The following TNKS2 variants were observed in gnomAD, a reference collection of about 807,000 sequenced individuals.
The protein encoded by TNKS2 is poly [ADP-ribose] polymerase tankyrase-2.
Under a neutral mutation model 137.6 loss-of-function variants are expected in TNKS2, and 72 were observed. The observed-to-expected ratio is 0.52, with a 90% confidence interval of 0.43 to 0.64. The LOEUF (loss-of-function observed/expected upper bound fraction) is 0.64. TNKS2 is among the 30% of genes least tolerant of loss of function. The probability of loss-of-function intolerance (pLI) is 0.00; values close to 1 mark genes in which losing one functional copy is unlikely to be tolerated. For synonymous variants in TNKS2, 516 were observed against 512.1 expected, an observed-to-expected ratio of 1.01 and a Z score of -0.10; for missense variants, 1,049 against 1,410.2, an observed-to-expected ratio of 0.74 and a Z score of 4.10.
Position 91,853,809 on chromosome 10 carries a change from A to G in TNKS2, c.2816-1220A>G, listed in dbSNP as rs1223709985. 3.3e-5 allele frequency among the ~76,000 whole-genome samples: 5 copies of G among 152,326 alleles called. No individual in the cohort carries two copies. The South Asian group carries it at 8.3e-4, about 25-fold the overall frequency. ...TGGTAGTAGTCCTGTTCTTCAGACC[A>G]TAGCTTTGAACCAGAATAGTGCTCT... On this transcript the variant is annotated intron_variant, in intron 21 of 26. Transcript: ENST00000371627.
intron 2 of TNKS2, among the ~76,000 whole-genome samples, 194 bp from the exon 3 acceptor site, chr10:91,816,940 T>A (rs952399283): frequency 6.6e-6 from 1 of 152,240 alleles, no homozygotes; most frequent in Admixed American, 6.5e-5. Flanking sequence ...AATGTGTCTT[T>A]AATGCATTAA....
intron 2 of TNKS2, among the ~76,000 whole-genome samples, chr10:91,814,010 G>A (rs779127660): frequency 6.6e-6 from 1 of 151,914 alleles, no homozygotes; most frequent in Non-Finnish European, 1.5e-5. Flanking sequence ...ACTTTTTATT[G>A]TGATTTTAGA....
At chr10:91,807,427 G>C in intron 1 of TNKS2, 1 of 1,613,890 alleles carries the variant, frequency 6.2e-7, no homozygotes, top group Non-Finnish European at 8.5e-7. Flanking sequence ...TCCCAGGTCT[G>C]GTACTGCGGC....
At chr10:91,813,342 C>T in intron 2 of TNKS2, 135 bp downstream of exon 2, 1 of 815,632 alleles carries the variant, frequency 1.2e-6, no homozygotes, top group Non-Finnish European at 1.9e-6. Context: ...TTTAATCTAA[C>T]TACTATTTAC....
chr10:91,821,501 G>A (rs1844891467), intron 6 of TNKS2, among the ~76,000 whole-genome samples: 2 of 152,074 alleles, frequency 1.3e-5, no homozygotes, highest in South Asian at 4.1e-4. Context: ...TAAATCACAG[G>A]TGACCATCCC....
At chr10:91,824,026 T>C (rs148884778) in intron 7 of TNKS2, among the ~76,000 whole-genome samples, 26 of 152,294 alleles carry the variant, frequency 1.7e-4, no homozygotes, top group Non-Finnish European at 3.7e-4. Context: ...GAATGAAACA[T>C]CAAACAGATT....
chr10:91,852,395 A>G, intron 21 of TNKS2, among the ~76,000 whole-genome samples: 1 of 149,426 alleles, frequency 6.7e-6, no homozygotes, highest in Non-Finnish European at 1.5e-5. Flanking sequence ...ATCTGTACTA[A>G]AAATACAAAA....
At chr10:91,824,306 C>G (rs1456662153) in intron 7 of TNKS2, among the ~76,000 whole-genome samples, 1 of 152,136 alleles carries the variant, frequency 6.6e-6, no homozygotes, top group African/African-American at 2.4e-5. Flanking sequence ...CAGCAAACAC[C>G]CAGTGACTGC....
chr10:91,851,736 T>C (rs1281039713), intron 21 of TNKS2, among the ~76,000 whole-genome samples: 3 of 152,244 alleles, frequency 2.0e-5, no homozygotes, highest in Non-Finnish European at 4.4e-5. Context: ...CTTAAAGTAC[T>C]ATAGTAGATC....
At chr10:91,844,827 A>C in intron 16 of TNKS2, 92 bp from the exon 17 acceptor site, 1 of 722,962 alleles carries the variant, frequency 1.4e-6, no homozygotes, top group Non-Finnish European at 2.3e-6. Context: ...TATACATGTA[A>C]TGACTTTTTT....
intron 11 of TNKS2, 78 bp from the exon 12 acceptor site, chr10:91,833,774 TA>T: frequency 8.5e-7 from 1 of 1,175,566 alleles, no homozygotes. Context: ...TTAAAAGTAG[TA>T]AAAAGTGTTA....
rs776532851 is a variant in TNKS2 at position 91,813,032 on chromosome 10, T to C, written c.249T>C (p.Asn83=). Residue 83 remains asparagine, a synonymous_variant, in exon 2 of 27, where the codon AAT becomes AAC. Coordinates refer to ENST00000371627, the MANE Select transcript of TNKS2 (RefSeq NM_025235.4). The stretch of plus-strand genomic sequence containing the variant: ...AATATTTGCTTCAGAATGGTGCAAA[T>C]GTCCAAGCACGTGATGATGGGGGCC... ...VVEYLLQNGA[N]VQARDDGGLI... 1 of 1,614,212 alleles carries C rather than the reference T, an allele frequency of 6.2e-7. No homozygotes were observed. The highest frequency in any genetic ancestry group is 1.1e-5 in the South Asian group (1 of 91,080).
chr10:91,813,845 T>G (rs1844586594), intron 2 of TNKS2, among the ~76,000 whole-genome samples: 1 of 152,190 alleles, frequency 6.6e-6, no homozygotes, highest in African/African-American at 2.4e-5. Flanking sequence ...GTAGCAGTCC[T>G]AACTTCATAG....
At chr10:91,823,409 G>C (rs2421700) in intron 7 of TNKS2, among the ~76,000 whole-genome samples, 99,239 of 142,236 alleles carry the variant, frequency 0.7, 35,691 homozygotes, top group East Asian at 0.91. Flanking sequence ...CTCACTGCAA[G>C]CTCCGCCTCC....
At chr10:91,807,543 ATTCT>A (rs1844365677) in intron 1 of TNKS2, 2 of 1,048,870 alleles carry the variant, frequency 1.9e-6, no homozygotes, top group Admixed American at 1.9e-5. Flanking sequence ...CTGCAATGCC[ATTCT>A]TTCTTAGCTT....
chr10:91,825,740 T>A (rs10509636), intron 7 of TNKS2, among the ~76,000 whole-genome samples: 49,604 of 152,050 alleles, frequency 0.33, 8,614 homozygotes, highest in South Asian at 0.53. Flanking sequence ...ACTTCAGTGG[T>A]CCATACTTAG....
At chr10:91,810,050 A>G (rs1217018140) in intron 1 of TNKS2, among the ~76,000 whole-genome samples, 1 of 152,166 alleles carries the variant, frequency 6.6e-6, no homozygotes, top group Non-Finnish European at 1.5e-5. Context: ...AGCAGTAAAC[A>G]TGACCTGCAC....
At chr10:91,799,522 G>A (rs1204360336) in intron 1 of TNKS2, among the ~76,000 whole-genome samples, 2 of 152,172 alleles carry the variant, frequency 1.3e-5, no homozygotes, top group African/African-American at 4.8e-5. Flanking sequence ...CAAGTTGGGC[G>A]GAAAGTGGTA....
At chr10:91,855,443 C>T (rs914574975) in intron 22 of TNKS2, among the ~76,000 whole-genome samples, 171 bp from the exon 23 acceptor site, 2 of 152,162 alleles carry the variant, frequency 1.3e-5, no homozygotes, top group African/African-American at 4.8e-5. Flanking sequence ...CTGCCTCGGC[C>T]TCCCAAAGTG....
Sources: gnomAD v4.1 joint callset for allele counts (sites outside exome capture counted in the v4.1 genomes callset) on GRCh38, gnomAD v4.1.1 for gene constraint, MANE v1.5 for transcripts, NCBI Gene and HGNC (gene_info 2026-07-23, HGNC 2026-07-21) for gene names.